AKT2: variants seen among roughly 807,000 people sequenced by gnomAD.
AKT2 encodes AKT serine/threonine kinase 2.
A neutral mutation model predicts 58.6 loss-of-function variants in AKT2; 16 were observed. The observed-to-expected ratio is 0.27, with a 90% CI of 0.18 to 0.41. The LOEUF is 0.41. Ranked by LOEUF, AKT2 falls within the 10% of genes least tolerant of loss-of-function variation. AKT2 has a pLI of 1.00. For missense variants in AKT2, 438 were observed against 661.0 expected (o/e 0.66, Z 3.70); for synonymous variants, 253 against 254.0 (o/e 1.00, Z 0.04).
intron 1 of AKT2, among the ~76,000 whole-genome samples, chr19:40,282,056 C>T (rs1270079780): frequency 6.6e-6 from 1 of 152,118 alleles, no homozygotes; most frequent in Non-Finnish European, 1.5e-5. Flanking sequence ...CCATACACCT[C>T]TTTACAGAGG....
At chr19:40,239,039 C>A in intron 7 of AKT2, 66 bp from the exon 8 acceptor site, 9 of 1,555,828 alleles carry the variant, frequency 5.8e-6, no homozygotes, top group Non-Finnish European at 7.9e-6. Flanking sequence ...CATGCCAGGG[C>A]AGGGCCCTGG....
At chr19:40,247,596 G>A (rs550094966) in intron 4 of AKT2, among the ~76,000 whole-genome samples, 2 of 152,268 alleles carry the variant, frequency 1.3e-5, no homozygotes, top group Admixed American at 6.5e-5. Context: ...GGGAGCCCAC[G>A]GGAAAAGCAA....
chr19:40,235,317 G>A lies in AKT2; in HGVS notation c.1209C>T (p.Val403=), dbSNP rs776342200. 93 of 1,613,850 alleles carry A rather than the reference G, an allele frequency of 5.8e-5. No homozygotes were observed. The highest frequency in any genetic ancestry group is 7.7e-5 in the Non-Finnish European group (91 of 1,180,014). ...TGCTGAGGAAGAACCTGTGCTCCAT[G>A]ACCTCCTTGGCATCGCTGGGCCCCC... is the stretch of plus-strand genomic sequence containing the variant. The part of the protein sequence containing the change: ...LGGGPSDAKE[V]MEHRFFLSIN... The change falls in exon 12 of 14, where the codon GTC becomes GTT. Residue 403 remains valine (V), a synonymous_variant. Coordinates refer to ENST00000392038, the MANE Select transcript of AKT2 (RefSeq NM_001626.6). The surrounding 1 kb of genome is among the most constrained non-coding windows in gnomAD (Gnocchi z 6.3).
At chr19:40,271,981 T>C (rs2077223928) in intron 1 of AKT2, among the ~76,000 whole-genome samples, 1 of 152,268 alleles carries the variant, frequency 6.6e-6, no homozygotes, top group Non-Finnish European at 1.5e-5. Context: ...AACAGGGGTC[T>C]GGTGCTATAT....
intron 1 of AKT2, among the ~76,000 whole-genome samples, chr19:40,276,024 A>T (rs1315758535): frequency 1.3e-5 from 2 of 151,772 alleles, no homozygotes; most frequent in African/African-American, 2.4e-5. Flanking sequence ...AAAAAAAAAA[A>T]AAAGTCCATA....
chr19:40,273,264 C>A (rs2077248493), intron 1 of AKT2, among the ~76,000 whole-genome samples: 1 of 151,566 alleles, frequency 6.6e-6, no homozygotes, highest in Non-Finnish European at 1.5e-5. Flanking sequence ...TTGCTTGGAC[C>A]CGGGAGGCAG....
rs1369570301 is a variant in AKT2 at position 40,233,673 on chromosome 19, A to G, written c.*199T>C. ...GTCTTCCAAATGCGAGTCTGGGCAC[A>G]AAGGTGAGGCTGGAGGCTGGAGGCA... is the stretch of plus-strand genomic sequence containing the variant. On this transcript the variant is annotated 3_prime_UTR_variant, in exon 14 of 14. Coordinates refer to ENST00000392038, the MANE Select transcript of AKT2 (RefSeq NM_001626.6). This position sits in a 1 kb window ranked among gnomAD's most constrained non-coding sequence, Gnocchi z 4.3. 5 of 760,974 alleles carry G rather than the reference A, an allele frequency of 6.6e-6. No individual in the cohort carries two copies. The highest frequency in any genetic ancestry group is 5.1e-5 in the African/African-American group (3 of 58,344). 47.1% of individuals were successfully genotyped at this position (760,974 alleles called of 1,614,324 possible).
intron 9 of AKT2, chr19:40,236,842 A>G (rs1257985616): frequency 4.4e-6 from 1 of 228,302 alleles, no homozygotes; most frequent in Non-Finnish European, 8.8e-6. Context: ...TGGGCAACAC[A>G]GCGAGACCCC....
intron 1 of AKT2, among the ~76,000 whole-genome samples, chr19:40,270,967 T>A (rs1482413647): frequency 6.6e-6 from 1 of 151,514 alleles, no homozygotes. Context: ...GAGCTATGAC[T>A]ACACCACCAC....
rs574929065 is a variant in AKT2 at position 40,232,401 on chromosome 19, C to T, written c.*1471G>A. 1.3e-5 allele frequency: 3 copies of T among 233,748 alleles called. No individual in the cohort carries two copies. Among genetic ancestry groups the T allele is most frequent in the East Asian group, 1.2e-4 (2 of 16,582 alleles). 14.5% of individuals were successfully genotyped at this position (233,748 alleles called of 1,614,324 possible). The stretch of plus-strand genomic sequence containing the variant: ...AGACGAGGAGAAAGGCCAGTAGGGA[C>T]GGAGAACTGTCAGATAACAACATCG... On this transcript the variant is annotated 3_prime_UTR_variant, in exon 14 of 14. Transcript: ENST00000392038.
chr19:40,233,222 C>T lies in AKT2; in HGVS notation c.*650G>A, dbSNP rs555309799. 1.6e-4 allele frequency: 42 copies of T among 263,560 alleles called. No homozygotes were observed. Among genetic ancestry groups the T allele is most frequent in the African/African-American group, 6.1e-4 (28 of 46,262 alleles). 16.3% of individuals were successfully genotyped at this position (263,560 alleles called of 1,614,324 possible). ...GTGGGGAGGAGGCCGGACCAGGAGGCGGCACCCAGCCCGGCCACTCCTGGT... is the reference window on the plus strand; with the variant it reads ...GTGGGGAGGAGGCCGGACCAGGAGGTGGCACCCAGCCCGGCCACTCCTGGT... On this transcript the variant is annotated 3_prime_UTR_variant, in exon 14 of 14. Transcript: ENST00000392038. This position sits in a 1 kb window ranked among gnomAD's most constrained non-coding sequence, Gnocchi z 4.3.
At position 40,285,335 on chromosome 19, in the gene AKT2, G is replaced by T. The variant is rs1600131670; in HGVS notation, c.-239C>A. The T allele has an allele frequency of 5.1e-6, 2 of 393,186 alleles. No individual in the cohort carries two copies. The highest frequency in any genetic ancestry group is 3.6e-5 in the East Asian group (1 of 27,660). 24.4% of individuals were successfully genotyped at this position (393,186 alleles called of 1,614,324 possible). On this transcript the variant is annotated 5_prime_UTR_variant, in exon 1 of 14. Coordinates refer to ENST00000392038, the MANE Select transcript of AKT2 (RefSeq NM_001626.6). ...CGCCTCCTCCGAGGCAGGCCCAACG[G>T]CTAGCACGGCGCGGCCCCCCCCGCC...
intron 1 of AKT2, among the ~76,000 whole-genome samples, chr19:40,269,867 C>G (rs1280184476): frequency 6.6e-6 from 1 of 152,160 alleles, no homozygotes; most frequent in East Asian, 1.9e-4. Context: ...GCCCCGTGAC[C>G]ACCTGAGTCA....
chr19:40,257,725 C>T (rs767875059), intron 2 of AKT2, among the ~76,000 whole-genome samples: 8 of 152,096 alleles, frequency 5.3e-5, no homozygotes, highest in Non-Finnish European at 7.3e-5. Context: ...TCATAACAGC[C>T]ATCGAGTGGA....
chr19:40,256,044 G>A (rs1459375389), intron 3 of AKT2, among the ~76,000 whole-genome samples: 1 of 152,178 alleles, frequency 6.6e-6, no homozygotes, highest in Non-Finnish European at 1.5e-5. Flanking sequence ...GACAGGAATA[G>A]AGCTGGGAGA....
intron 2 of AKT2, among the ~76,000 whole-genome samples, chr19:40,264,985 A>G (rs1241030849): frequency 2.0e-5 from 3 of 152,128 alleles, no homozygotes; most frequent in Non-Finnish European, 4.4e-5. Context: ...CAGTTTCTTC[A>G]TCTATAAAAT....
rs1234590822 is a variant in AKT2 at position 40,242,423 on chromosome 19, G to C, written c.441+111C>G. The C allele has an allele frequency of 4.6e-6, 7 of 1,516,516 alleles. No individual in the cohort carries two copies. In the South Asian group the frequency reaches 7.9e-5, roughly 17 times the overall value. 93.9% of individuals were successfully genotyped at this position (1,516,516 alleles called of 1,614,324 possible). Reference sequence around the variant, plus strand: ...TCACCCCACCCTGCAGGGCAGCCTTGTCTCTCAGCTGAGCCCCCTGAACTG... The same window carrying C: ...TCACCCCACCCTGCAGGGCAGCCTTCTCTCTCAGCTGAGCCCCCTGAACTG... On this transcript the variant is annotated intron_variant, in intron 5 of 13. Transcript: ENST00000392038. This position sits in a 1 kb window ranked among gnomAD's most constrained non-coding sequence, Gnocchi z 4.3.
rs553636931 is a variant in AKT2 at position 40,235,023 on chromosome 19, C to T, written c.1366+22G>A. On this transcript the variant is annotated intron_variant, in intron 13 of 13. Coordinates refer to ENST00000392038, the MANE Select transcript of AKT2 (RefSeq NM_001626.6). The surrounding 1 kb of genome is among the most constrained non-coding windows in gnomAD (Gnocchi z 6.3). Reference sequence around the variant, plus strand: ...TCCACCCCTGGGGCAGGCACACCAGCGCGGGGGCCCCAGGCACTCACAGCG... The same window carrying T: ...TCCACCCCTGGGGCAGGCACACCAGTGCGGGGGCCCCAGGCACTCACAGCG... 19 of 1,606,582 alleles carry T rather than the reference C, an allele frequency of 1.2e-5. No individual in the cohort carries two copies. Among genetic ancestry groups the T allele is most frequent in the African/African-American group, 6.7e-5 (5 of 74,880 alleles).
chr19:40,260,758 G>A (rs1411377343), intron 2 of AKT2, among the ~76,000 whole-genome samples: 1 of 149,812 alleles, frequency 6.7e-6, no homozygotes, highest in Non-Finnish European at 1.5e-5. Context: ...ACGACATATT[G>A]ATATACGCTA....
Sources: gnomAD v4.1 joint callset for allele counts (sites outside exome capture counted in the v4.1 genomes callset) on GRCh38, gnomAD v4.1.1 for gene constraint, Gnocchi (gnomAD v3.1) non-coding constraint, MANE v1.5 for transcripts, NCBI Gene and HGNC (gene_info 2026-07-23, HGNC 2026-07-21) for gene names.